The following OCA2 variants were observed in gnomAD, a reference collection of about 807,000 sequenced individuals.
The protein encoded by OCA2 is P protein.
In OCA2, 77 loss-of-function variants were observed where a neutral mutation model predicts 100.2. The observed-to-expected ratio is 0.77, with a 90% CI of 0.64 to 0.93. The LOEUF (loss-of-function observed/expected upper bound fraction) is 0.93, where lower values mean the gene tolerates loss of function less well. OCA2 is among the 40% of genes least tolerant of loss of function. The pLI, the probability that OCA2 is intolerant of heterozygous loss-of-function variation, is 0.00. For synonymous variants in OCA2, 432 were observed against 439.2 expected (o/e 0.98, Z 0.21); for missense variants, 1,062 against 1,089.1 (o/e 0.98, Z 0.35).
intron 23 of OCA2, among the ~76,000 whole-genome samples, chr15:27,800,790 C>T (rs1462892015): frequency 6.9e-6 from 1 of 144,014 alleles, no homozygotes; most frequent in African/African-American, 2.5e-5. Context: ...CATGGTAAAA[C>T]CCTATCTCTA....
chr15:27,970,637 C>G (rs557099443), intron 14 of OCA2, among the ~76,000 whole-genome samples: 2 of 150,080 alleles, frequency 1.3e-5, no homozygotes, highest in African/African-American at 4.9e-5. Context: ...CCAGCACACA[C>G]GGCATGGTGG....
chr15:27,777,044 G>A (rs994208550), intron 23 of OCA2, among the ~76,000 whole-genome samples: 3 of 152,148 alleles, frequency 2.0e-5, no homozygotes, highest in Middle Eastern at 6.8e-3. Flanking sequence ...TCCAGAGGGA[G>A]CTTTGTCCAC....
Position 28,081,754 on chromosome 15 carries a change from C to G in OCA2, c.121G>C (p.Gly41Arg). 6.2e-7 allele frequency: 1 copy of G among 1,613,462 alleles called. No individual in the cohort carries two copies. The highest frequency in any genetic ancestry group is 1.1e-5 in the South Asian group (1 of 91,068). ...LVAGKRRLPR[G>R]AGGADPSHSC... Reference sequence around the variant, plus strand: ...TGCGAGGGGTCAGCTCCACCGGCTCCCCGAGGAAGCCTGCGCTTGCCGGCC... The same window carrying G: ...TGCGAGGGGTCAGCTCCACCGGCTCGCCGAGGAAGCCTGCGCTTGCCGGCC... Residue 41 changes from glycine (G) to arginine (R), a missense_variant, in exon 2 of 24, where the codon GGA becomes CGA. Transcript: ENST00000354638.
intron 2 of OCA2, among the ~76,000 whole-genome samples, chr15:28,032,962 C>T (rs542746037): frequency 2.0e-5 from 3 of 152,234 alleles, no homozygotes; most frequent in African/African-American, 4.8e-5. Context: ...TGGAATGAGA[C>T]GACAATCAGA....
At chr15:27,828,449 C>T (rs144375930) in intron 23 of OCA2, among the ~76,000 whole-genome samples, 199 of 152,278 alleles carry the variant, frequency 1.3e-3, no homozygotes, top group African/African-American at 4.6e-3. Flanking sequence ...GCGAGGCATA[C>T]CTGTGCACTC....
At chr15:27,733,455 C>T in the OCA2 span, among the ~76,000 whole-genome samples, 1 of 133,684 alleles carries the variant, frequency 7.5e-6, no homozygotes, top group Non-Finnish European at 1.8e-5. Flanking sequence ...CATGCTCTTC[C>T]CTCAGCCAAA....
chr15:27,988,372 C>T (rs1356328762), intron 11 of OCA2, among the ~76,000 whole-genome samples: 1 of 151,642 alleles, frequency 6.6e-6, no homozygotes, highest in Non-Finnish European at 1.5e-5. Context: ...GAATGTGAGA[C>T]TGTATTTGGA....
At chr15:27,952,631 TTCTC>T (rs1174090453) in intron 17 of OCA2, among the ~76,000 whole-genome samples, 2 of 151,912 alleles carry the variant, frequency 1.3e-5, no homozygotes, top group Admixed American at 1.3e-4. Flanking sequence ...ACCAGGTCCT[TTCTC>T]TTTCTTTCTT....
At position 28,082,182 on chromosome 15, in the gene OCA2, A is replaced by G. The variant is rs542133579; in HGVS notation, c.-21-287T>C. Reference sequence around the variant, plus strand: ...TTGTAAATGCACCAATCAGCAATCTATAAAATGGACCAATCAGCACTCTGT... The same window carrying G: ...TTGTAAATGCACCAATCAGCAATCTGTAAAATGGACCAATCAGCACTCTGT... On this transcript the variant is annotated intron_variant, in intron 1 of 23. Coordinates refer to ENST00000354638, the MANE Select transcript of OCA2 (RefSeq NM_000275.3). Among the ~76,000 whole-genome samples, 456 of 152,286 alleles carry G rather than the reference A, an allele frequency of 3.0e-3. 1 individual carries two copies. Among genetic ancestry groups the G allele is most frequent in the Middle Eastern group, 6.8e-3 (2 of 294 alleles).
intron 23 of OCA2, among the ~76,000 whole-genome samples, chr15:27,771,477 C>T (rs7177473): frequency 0.021 from 3,196 of 152,024 alleles, 122 homozygotes; most frequent in African/African-American, 0.074. Context: ...CCAGGCAGCG[C>T]CCAGCTGGGG....
chr15:27,912,768 A>C (rs1238616701), intron 19 of OCA2, among the ~76,000 whole-genome samples: 1 of 152,246 alleles, frequency 6.6e-6, no homozygotes, highest in East Asian at 1.9e-4. Context: ...GGAAAAACAC[A>C]ATGTTAGTAT....
intron 9 of OCA2, 148 bp downstream of exon 9, chr15:28,014,628 A>T: frequency 1.2e-6 from 1 of 866,360 alleles, no homozygotes; most frequent in Non-Finnish European, 1.8e-6. Context: ...TTCTACCTAG[A>T]GAGAGGGACA....
the OCA2 span, among the ~76,000 whole-genome samples, chr15:27,731,361 C>T: frequency 6.6e-6 from 1 of 152,148 alleles, no homozygotes; most frequent in African/African-American, 2.4e-5. Flanking sequence ...TAAGCAAGAA[C>T]AGCCATTTTA....
At position 27,957,808 on chromosome 15, in the gene OCA2, A is replaced by G; in HGVS notation, c.1637-73T>C. On this transcript the variant is annotated intron_variant, in intron 15 of 23. Coordinates refer to ENST00000354638, the MANE Select transcript of OCA2 (RefSeq NM_000275.3). This position sits in a 1 kb window ranked among gnomAD's most constrained non-coding sequence, Gnocchi z 4.3. ...TCAGCAACACCCTCCTCTGTTCCCCACACAGTCGATGCCTGACAGAGCAGA... is the reference window on the plus strand; with the variant it reads ...TCAGCAACACCCTCCTCTGTTCCCCGCACAGTCGATGCCTGACAGAGCAGA... The G allele has an allele frequency of 1.3e-6, 2 of 1,566,850 alleles. No individual in the cohort carries two copies. The highest frequency in any genetic ancestry group is 3.4e-5 in the Admixed American group (2 of 59,256).
chr15:27,877,517 T>C (rs2036840971), intron 19 of OCA2, among the ~76,000 whole-genome samples: 1 of 152,020 alleles, frequency 6.6e-6, no homozygotes, highest in Admixed American at 6.5e-5. Flanking sequence ...CATTTATAAT[T>C]GTTATATCTT....
At chr15:27,791,004 G>T (rs1256220040) in intron 23 of OCA2, among the ~76,000 whole-genome samples, 1 of 151,900 alleles carries the variant, frequency 6.6e-6, no homozygotes, top group Non-Finnish European at 1.5e-5. Flanking sequence ...ACTTGGGCTG[G>T]TCTCAAACTC....
At chr15:27,984,549 A>G (rs7163930) in intron 13 of OCA2, among the ~76,000 whole-genome samples, 113,400 of 151,976 alleles carry the variant, frequency 0.75, 43,660 homozygotes, top group East Asian at 1. Context: ...GGGGTGAGCC[A>G]TTTTTTGTTT....
rs74560163 is a variant in OCA2, at chr15:27,877,761, G to A, written c.2080-5839C>T. Among the ~76,000 whole-genome samples, 832 of 151,968 alleles carry A rather than the reference G, an allele frequency of 5.5e-3. 7 individuals are homozygous for A. The highest frequency in any genetic ancestry group is 0.019 in the African/African-American group (800 of 41,504). On this transcript the variant is annotated intron_variant, in intron 19 of 23. Transcript: ENST00000354638. ...AAGGGTAAAAGTATGTCTCTTAAGA[G>A]CAGCATATATTAGAGCCTTACTTCC...
chr15:27,752,577 G>A (rs933210435), downstream of OCA2, among the ~76,000 whole-genome samples: 6 of 152,040 alleles, frequency 3.9e-5, no homozygotes, highest in Non-Finnish European at 5.9e-5. Context: ...TCCCATTCCC[G>A]GACAGCATCA....
Sources: allele counts gnomAD v4.1 joint callset (sites outside exome capture counted in the v4.1 genomes callset), GRCh38; gene constraint gnomAD v4.1.1; non-coding constraint Gnocchi (gnomAD v3.1); transcripts MANE v1.5; gene names NCBI Gene and HGNC (gene_info 2026-07-23, HGNC 2026-07-21).